ZNF236: variants seen among roughly 807,000 people sequenced by gnomAD.
ZNF236 encodes regulated by glucose.
Under a neutral mutation model 191.2 loss-of-function variants are expected in ZNF236, and 50 were observed. That is an observed-to-expected ratio of 0.26 (90% CI 0.21 to 0.33). The LOEUF (loss-of-function observed/expected upper bound fraction) is 0.33. Ranked by LOEUF, ZNF236 falls within the 10% of genes least tolerant of loss-of-function variation. The pLI is 1.00. For missense variants in ZNF236, 1,754 were observed against 2,374.5 expected, an observed-to-expected ratio of 0.74 and a Z score of 5.43; for synonymous variants, 907 against 928.8, an observed-to-expected ratio of 0.98 and a Z score of 0.43.
At chr18:76,910,884 AAAAATTTCCTTAAG>A in intron 16 of ZNF236, 73 bp downstream of exon 16, 5 of 1,543,966 alleles carry the variant, frequency 3.2e-6, no homozygotes, top group Non-Finnish European at 4.4e-6. Context: ...TGTCATTATT[AAAAATTTCCTTAAG>A]GGAAATTTTA....
chr18:76,891,868 CA>C (rs1162523724), intron 9 of ZNF236, among the ~76,000 whole-genome samples: 2 of 152,124 alleles, frequency 1.3e-5, no homozygotes, highest in African/African-American at 4.8e-5. Context: ...TCTTTTTATT[CA>C]AGTGTTCTGA....
chr18:76,890,724 A>G (rs148193951), intron 9 of ZNF236, among the ~76,000 whole-genome samples: 6 of 152,342 alleles, frequency 3.9e-5, no homozygotes, highest in South Asian at 2.1e-4. Context: ...ATATTTTCCT[A>G]TAAGACTAAT....
At position 76,942,970 on chromosome 18, in the gene ZNF236, A is replaced by G. The variant is rs183683701; in HGVS notation, c.4783-4551A>G. 5.2e-3 allele frequency among the ~76,000 whole-genome samples: 780 copies of G among 150,580 alleles called. 7 individuals carry two copies. The highest frequency in any genetic ancestry group is 0.018 in the African/African-American group (729 of 41,300). Reference sequence around the variant, plus strand: ...AACCCCGTCTCTACTAAAAATACAAAAAATTAGCCAGGCGTGGTGGCGGGC... The same window carrying G: ...AACCCCGTCTCTACTAAAAATACAAGAAATTAGCCAGGCGTGGTGGCGGGC... On this transcript the variant is annotated intron_variant, in intron 26 of 30. Coordinates refer to ENST00000320610, the MANE Select transcript of ZNF236 (RefSeq NM_001306089.2).
intron 1 of ZNF236, among the ~76,000 whole-genome samples, chr18:76,837,121 A>ACCCCCCCCCCCCCCCCCCCCCCCCCCCC (rs1257822007): frequency 3.1e-5 from 1 of 32,694 alleles, no homozygotes; most frequent in Non-Finnish European, 7.6e-5. Context: ...AGTGATCCGC[A>ACCCCCCCCCCCCCCCCCCCCCCCCCCCC]CCCCCTCCCC....
At chr18:76,865,204 G>A (rs1301491460) in intron 3 of ZNF236, among the ~76,000 whole-genome samples, 2 of 152,152 alleles carry the variant, frequency 1.3e-5, no homozygotes, top group African/African-American at 4.8e-5. Flanking sequence ...GGGTGTGGTA[G>A]CGGGTGCCTG....
intron 25 of ZNF236, among the ~76,000 whole-genome samples, chr18:76,934,830 T>C (rs1967953628): frequency 6.6e-6 from 1 of 152,256 alleles, no homozygotes; most frequent in African/African-American, 2.4e-5. Context: ...AAAACTGATA[T>C]CATATCTTTT....
At chr18:76,932,691 ACT>A (rs949216214) in intron 25 of ZNF236, among the ~76,000 whole-genome samples, 1 of 151,726 alleles carries the variant, frequency 6.6e-6, no homozygotes. Flanking sequence ...CTTCCTGGAA[ACT>A]CTGCTGAACA....
In ZNF236 at chr18:76,968,800, C is replaced by T. The variant is rs470795; in HGVS notation, c.*461C>T. The T allele has an allele frequency of 0.96, 947,935 of 988,772 alleles. 456,324 individuals carry two copies. Among genetic ancestry groups the T allele is most frequent in the South Asian group, 0.99 (21,337 of 21,618 alleles). The allele number at this position is 988,772 out of a possible 1,614,324, so 61.2% of individuals were successfully genotyped here. On this transcript the variant is annotated 3_prime_UTR_variant, in exon 31 of 31. Coordinates refer to ENST00000320610, the MANE Select transcript of ZNF236 (RefSeq NM_001306089.2). ...ATGAAGTTCAGAAAAAAAAGTGTTA[C>T]AACACACAGGGAAGTTTTTTCCACT...
chr18:76,912,162 CCTTAGTT>C (rs1451893034), intron 16 of ZNF236, 75 bp from the exon 17 acceptor site: 1 of 1,006,008 alleles, frequency 9.9e-7, no homozygotes, highest in African/African-American at 1.6e-5. Flanking sequence ...ATGTTCTTAT[CCTTAGTT>C]CTTAGCTGCT....
At chr18:76,949,090 T>C (rs368120521) in intron 27 of ZNF236, among the ~76,000 whole-genome samples, 2 of 152,210 alleles carry the variant, frequency 1.3e-5, no homozygotes, top group African/African-American at 4.8e-5. Flanking sequence ...AGAAAAAGCA[T>C]TGGCAGCTTG....
At chr18:76,959,644 C>T in intron 28 of ZNF236, 43 bp from the exon 29 acceptor site, 2 of 1,560,906 alleles carry the variant, frequency 1.3e-6, no homozygotes, top group Non-Finnish European at 1.7e-6. Context: ...GTCTCGAAAG[C>T]TGTTTTGATC....
At position 76,956,126 on chromosome 18, in the gene ZNF236, C is replaced by T. The variant is rs1472176245; in HGVS notation, c.5056C>T (p.Arg1686Cys). 4 of 1,572,634 alleles carry T rather than the reference C, an allele frequency of 2.5e-6. No homozygotes were observed. Among genetic ancestry groups the T allele is most frequent in the East Asian group, 2.3e-5 (1 of 42,986 alleles). The change falls in exon 28 of 31, where the codon CGC becomes TGC. Residue 1686 changes from arginine to cysteine, a missense_variant. Physicochemically the swap from Arg to Cys is radical, Grantham distance 180. Coordinates refer to ENST00000320610, the MANE Select transcript of ZNF236 (RefSeq NM_001306089.2). Reference protein sequence around the residue: ...HHSKEVHGRERIHGCPVCRKA... With the variant: ...HHSKEVHGRECIHGCPVCRKA... The stretch of plus-strand genomic sequence containing the variant: ...CAGCAAGGAGGTGCATGGCCGGGAG[C>T]GCATCCACGGCTGCCCCGTGTGCAG...
At chr18:76,855,477 A>G (rs1976014936) in intron 3 of ZNF236, among the ~76,000 whole-genome samples, 1 of 152,180 alleles carries the variant, frequency 6.6e-6, no homozygotes, top group African/African-American at 2.4e-5. Flanking sequence ...TAGTCAACCC[A>G]TAATATTCTG....
At chr18:76,862,560 G>A (rs938749540) in intron 3 of ZNF236, among the ~76,000 whole-genome samples, 11 of 152,242 alleles carry the variant, frequency 7.2e-5, no homozygotes, top group Admixed American at 1.3e-4. Flanking sequence ...ATCTTTGGAA[G>A]CCCGGCTTCC....
intron 25 of ZNF236, among the ~76,000 whole-genome samples, chr18:76,935,539 G>T (rs1486537759): frequency 6.6e-6 from 1 of 152,210 alleles, no homozygotes; most frequent in African/African-American, 2.4e-5. Flanking sequence ...TATTTCAGCA[G>T]TTGGGGTGAG....
chr18:76,885,038 C>T (rs1313667314), intron 9 of ZNF236: 1 of 152,200 alleles, frequency 6.6e-6, no homozygotes, highest in Non-Finnish European at 1.5e-5. Flanking sequence ...AAATTATTAA[C>T]TGGAATTCTC....
At chr18:76,936,945 G>A (rs1968016109) in intron 25 of ZNF236, among the ~76,000 whole-genome samples, 1 of 152,166 alleles carries the variant, frequency 6.6e-6, no homozygotes, top group Non-Finnish European at 1.5e-5. Context: ...TACTTAAGAA[G>A]CACAGTATAT....
At chr18:76,932,348 T>C (rs1291714854) in intron 25 of ZNF236, among the ~76,000 whole-genome samples, 1 of 152,184 alleles carries the variant, frequency 6.6e-6, no homozygotes, top group African/African-American at 2.4e-5. Context: ...GATATTTTAA[T>C]GGGTGGAAGG....
intron 5 of ZNF236, among the ~76,000 whole-genome samples, chr18:76,872,555 G>T (rs1050074907): frequency 1.3e-5 from 2 of 152,146 alleles, no homozygotes; most frequent in Non-Finnish European, 2.9e-5. Context: ...CCTTCACTAC[G>T]CTATGAAACA....
Sources: allele counts gnomAD v4.1 joint callset (sites outside exome capture counted in the v4.1 genomes callset), GRCh38; gene constraint gnomAD v4.1.1; transcripts MANE v1.5; gene names NCBI Gene and HGNC (gene_info 2026-07-23, HGNC 2026-07-21).